RALGPS2: variants seen among roughly 807,000 people sequenced by gnomAD.
The protein encoded by RALGPS2 is ras-specific guanine nucleotide-releasing factor RalGPS2.
In RALGPS2, 43 loss-of-function variants were observed where a neutral mutation model predicts 86.8. The observed-to-expected ratio is 0.50, with a 90% CI of 0.39 to 0.64. The LOEUF (loss-of-function observed/expected upper bound fraction) is 0.64, where lower values mean the gene tolerates loss of function less well. Ranked by LOEUF, RALGPS2 falls within the 30% of genes least tolerant of loss-of-function variation. The probability of loss-of-function intolerance (pLI) is 0.00; values close to 1 mark genes in which losing one functional copy is unlikely to be tolerated. For missense variants in RALGPS2, 536 were observed against 694.6 expected (o/e 0.77, Z 2.57); for synonymous variants, 243 against 231.3 (o/e 1.05, Z -0.46).
At chr1:178,834,877 A>G (rs1216323749) in intron 8 of RALGPS2, among the ~76,000 whole-genome samples, 1 of 152,106 alleles carries the variant, frequency 6.6e-6, no homozygotes, top group East Asian at 1.9e-4. Context: ...TTCCAAGTTC[A>G]AGTGATTCTC....
chr1:178,781,048 A>G (rs955241403), intron 2 of RALGPS2, among the ~76,000 whole-genome samples: 4 of 152,010 alleles, frequency 2.6e-5, no homozygotes, highest in East Asian at 1.9e-4. Context: ...ATTTTTAACT[A>G]TATATCCAGA....
At chr1:178,858,659 G>T (rs1269886547) in intron 8 of RALGPS2, among the ~76,000 whole-genome samples, 1 of 152,132 alleles carries the variant, frequency 6.6e-6, no homozygotes, top group Non-Finnish European at 1.5e-5. Flanking sequence ...TAGGGCTAAT[G>T]AAACCATATT....
At chr1:178,736,395 C>G (rs1650705470) in intron 1 of RALGPS2, among the ~76,000 whole-genome samples, 1 of 152,020 alleles carries the variant, frequency 6.6e-6, no homozygotes, top group Admixed American at 6.6e-5. Flanking sequence ...CTCCTGACCT[C>G]AAGTGATCCA....
At chr1:178,758,085 A>G (rs867250618) in intron 1 of RALGPS2, among the ~76,000 whole-genome samples, 1 of 152,124 alleles carries the variant, frequency 6.6e-6, no homozygotes, top group South Asian at 2.1e-4. Flanking sequence ...ACAGGTGTTC[A>G]TAATAGTCTT....
intron 4 of RALGPS2, among the ~76,000 whole-genome samples, chr1:178,802,159 C>G (rs887687804): frequency 2.0e-5 from 3 of 151,800 alleles, no homozygotes; most frequent in Non-Finnish European, 4.4e-5. Flanking sequence ...ATAACATAAA[C>G]AGTCGATTAA....
intron 7 of RALGPS2, among the ~76,000 whole-genome samples, chr1:178,824,809 AAAAAAAAAG>A (rs998492312): frequency 7.2e-5 from 9 of 125,522 alleles, no homozygotes; most frequent in Admixed American, 6.8e-4. Flanking sequence ...ACTCTGTCTC[AAAAAAAAAG>A]AAAAAAAAAG....
intron 2 of RALGPS2, among the ~76,000 whole-genome samples, chr1:178,778,741 G>A (rs558747341): frequency 2.0e-5 from 3 of 148,356 alleles, no homozygotes; most frequent in Non-Finnish European, 3.0e-5. Flanking sequence ...CATGTCCTTT[G>A]TAGGGACATG....
intron 2 of RALGPS2, among the ~76,000 whole-genome samples, chr1:178,783,128 A>G (rs1205598426): frequency 6.6e-6 from 1 of 152,216 alleles, no homozygotes; most frequent in East Asian, 1.9e-4. Flanking sequence ...GCGAGAACAA[A>G]TGGATAATAT....
chr1:178,851,309 GC>G, intron 8 of RALGPS2: 1 of 1,606,264 alleles, frequency 6.2e-7, no homozygotes, highest in African/African-American at 1.3e-5. Context: ...GAAAGTGGGC[GC>G]AGTTTCCTTT....
intron 4 of RALGPS2, among the ~76,000 whole-genome samples, chr1:178,802,407 C>G (rs748208113): frequency 5.3e-5 from 8 of 152,098 alleles, no homozygotes; most frequent in Non-Finnish European, 1.2e-4. Context: ...AGGAGCACTT[C>G]CAGCATCTCT....
At chr1:178,885,366 A>C (rs572551551) in intron 12 of RALGPS2, 155 bp downstream of exon 12, 4 of 710,738 alleles carry the variant, frequency 5.6e-6, no homozygotes, top group Admixed American at 7.2e-5. Context: ...GTTTGCCTAA[A>C]AGCTTTTATT....
chr1:178,878,997 GT>G lies in RALGPS2; in HGVS notation c.836+7del. On this transcript the variant is annotated splice_donor_region_variant and intron_variant, in intron 10 of 19. Transcript: ENST00000367635. ...TGTGGAAGACGATAATTACAAGTAG[GT>G]TGGATCTTCAAAAGTGGTTTGTATA... 1 of 1,611,828 alleles carries G rather than the reference GT, an allele frequency of 6.2e-7. No individual in the cohort carries two copies. The highest frequency in any genetic ancestry group is 8.5e-7 in the Non-Finnish European group (1 of 1,179,168).
At chr1:178,864,690 T>C (rs1002341858) in intron 8 of RALGPS2, among the ~76,000 whole-genome samples, 1 of 152,090 alleles carries the variant, frequency 6.6e-6, no homozygotes, top group African/African-American at 2.4e-5. Context: ...GTCTCAAGAA[T>C]AGTAGCCCCT....
chr1:178,740,568 A>G lies in RALGPS2; in HGVS notation c.-84+15149A>G, dbSNP rs1335964766. Among the ~76,000 whole-genome samples, 3 of 152,232 alleles carry G rather than the reference A, an allele frequency of 2.0e-5. No homozygotes were observed. The East Asian group carries it at 5.8e-4, about 29-fold the overall frequency. On this transcript the variant is annotated intron_variant, in intron 1 of 19. Transcript: ENST00000367635. ...AAGTAGATGTAAGCAGAAGCTATGAATTACAGAAATGATAAAGGAGATGAG... is the reference window on the plus strand; with the variant it reads ...AAGTAGATGTAAGCAGAAGCTATGAGTTACAGAAATGATAAAGGAGATGAG...
intron 7 of RALGPS2, among the ~76,000 whole-genome samples, chr1:178,828,813 A>G (rs77776803): frequency 0.012 from 1,805 of 152,326 alleles, 39 homozygotes; most frequent in East Asian, 0.092. Flanking sequence ...GAACTGTTGT[A>G]CAGTGTTGGT....
chr1:178,787,743 T>G (rs994649598), intron 4 of RALGPS2, among the ~76,000 whole-genome samples: 8 of 152,156 alleles, frequency 5.3e-5, no homozygotes, highest in Admixed American at 2.0e-4. Flanking sequence ...TTTTTTAACC[T>G]CCTAAGTACC....
intron 4 of RALGPS2, among the ~76,000 whole-genome samples, chr1:178,786,479 G>T (rs1397045960): frequency 6.6e-6 from 1 of 151,936 alleles, no homozygotes; most frequent in South Asian, 2.1e-4. Context: ...CAAAGGGACT[G>T]GCGTTATGCA....
At chr1:178,852,900 A>G in intron 8 of RALGPS2, 1 of 1,613,684 alleles carries the variant, frequency 6.2e-7, no homozygotes, top group African/African-American at 1.3e-5. Flanking sequence ...TGCTAAGCAT[A>G]TAGATATTTT....
At chr1:178,729,223 CT>C (rs1344179113) in intron 1 of RALGPS2, among the ~76,000 whole-genome samples, 1 of 151,864 alleles carries the variant, frequency 6.6e-6, no homozygotes, top group African/African-American at 2.4e-5. Flanking sequence ...TTCTGAAAAC[CT>C]TATTAAATAG....
Sources: gnomAD v4.1 joint callset for allele counts (sites outside exome capture counted in the v4.1 genomes callset) on GRCh38, gnomAD v4.1.1 for gene constraint, MANE v1.5 for transcripts, NCBI Gene and HGNC (gene_info 2026-07-23, HGNC 2026-07-21) for gene names.